The following PAPPA variants were observed in gnomAD, a reference collection of about 807,000 sequenced individuals.
PAPPA encodes pappalysin-1.
Under a neutral mutation model 164.0 loss-of-function variants are expected in PAPPA, and 60 were observed. That is an observed-to-expected ratio of 0.37 (90% CI 0.30 to 0.45). The LOEUF is 0.45. PAPPA is among the 20% of genes least tolerant of loss of function. The pLI is 1.00. For missense variants in PAPPA, 1,782 were observed against 2,087.3 expected (o/e 0.85, Z 2.85); for synonymous variants, 875 against 814.1 (o/e 1.07, Z -1.27).
At chr9:116,371,542 TAATA>T (rs1564245571) in intron 19 of PAPPA, among the ~76,000 whole-genome samples, 1 of 152,210 alleles carries the variant, frequency 6.6e-6, no homozygotes, top group Non-Finnish European at 1.5e-5. Flanking sequence ...CTACCCAACT[TAATA>T]AATAAAAACT....
At chr9:116,335,178 C>A in intron 13 of PAPPA, 104 bp downstream of exon 13, 1 of 920,768 alleles carries the variant, frequency 1.1e-6, no homozygotes, top group Non-Finnish European at 1.7e-6. Context: ...AAAGTCTGTG[C>A]ATTTCTCCCT....
At chr9:116,285,760 G>C (rs1292116982) in intron 9 of PAPPA, 2 of 152,210 alleles carry the variant, frequency 1.3e-5, no homozygotes, top group East Asian at 3.9e-4. Flanking sequence ...TTTCCCAAGA[G>C]TTAGTCCAGG....
chr9:116,223,402 C>A (rs907839698), intron 5 of PAPPA, among the ~76,000 whole-genome samples: 1 of 152,024 alleles, frequency 6.6e-6, no homozygotes, highest in Non-Finnish European at 1.5e-5. Context: ...ATAAATACCA[C>A]CTGATTGTTG....
intron 7 of PAPPA, among the ~76,000 whole-genome samples, chr9:116,247,066 T>G (rs1295125501): frequency 6.6e-6 from 1 of 151,978 alleles, no homozygotes; most frequent in Non-Finnish European, 1.5e-5. Flanking sequence ...TGTTGTTACC[T>G]TGGGGAAGGA....
chr9:116,207,388 A>G, intron 2 of PAPPA, 68 bp from the exon 3 acceptor site: 1 of 1,401,822 alleles, frequency 7.1e-7, no homozygotes, highest in Non-Finnish European at 9.7e-7. Context: ...GTAGCTCTAA[A>G]TTATTTGGAG....
chr9:116,369,840 G>A (rs910966460), intron 19 of PAPPA, among the ~76,000 whole-genome samples: 2 of 145,716 alleles, frequency 1.4e-5, no homozygotes, highest in African/African-American at 2.5e-5. Context: ...CTGGCCTACC[G>A]AGAGAACCAT....
rs554355760 is a variant in PAPPA at position 116,154,344 on chromosome 9, TCGCCGCCGCCGC to T, written c.184_195del (p.Pro62_Pro65del). 4.6e-5 allele frequency: 38 copies of T among 825,762 alleles called. No individual in the cohort carries two copies. Among genetic ancestry groups the T allele is most frequent in the Non-Finnish European group, 5.1e-5 (35 of 690,416 alleles). The allele number at this position is 825,762 out of a possible 1,614,324, so 51.2% of individuals were successfully genotyped here. A position where few individuals can be genotyped will look rare whatever the true frequency, so the allele number is the denominator to read the frequency against. On this transcript the variant is annotated inframe_deletion, in exon 1 of 22. Coordinates refer to ENST00000328252, the MANE Select transcript of PAPPA (RefSeq NM_002581.5). This position sits in a 1 kb window ranked among gnomAD's most constrained non-coding sequence, Gnocchi z 5.2. ...CCGGGCGGCCCGCGGCCGCCGCGCC[TCGCCGCCGCCGC>T]CGCCGCCGCCGGGCGGTGCCTGGGA...
intron 6 of PAPPA, among the ~76,000 whole-genome samples, chr9:116,232,019 G>A (rs1234349038): frequency 2.0e-5 from 3 of 152,062 alleles, no homozygotes; most frequent in African/African-American, 7.2e-5. Flanking sequence ...CTCCCAAAGT[G>A]CTGGGATTAC....
intron 7 of PAPPA, among the ~76,000 whole-genome samples, chr9:116,239,579 A>G (rs1447536224): frequency 6.6e-6 from 1 of 152,230 alleles, no homozygotes; most frequent in Non-Finnish European, 1.5e-5. Context: ...TGTGGACCAC[A>G]ATAATGACAA....
At chr9:116,221,348 T>C (rs928329723) in intron 5 of PAPPA, among the ~76,000 whole-genome samples, 1 of 152,228 alleles carries the variant, frequency 6.6e-6, no homozygotes, top group African/African-American at 2.4e-5. Context: ...GGATGCTTCA[T>C]CTAGTAATGG....
chr9:116,355,017 G>C (rs997379065), intron 17 of PAPPA, among the ~76,000 whole-genome samples: 6 of 151,920 alleles, frequency 3.9e-5, no homozygotes, highest in African/African-American at 1.2e-4. Flanking sequence ...TCGCAATTTA[G>C]CCCAGGCACC....
intron 2 of PAPPA, among the ~76,000 whole-genome samples, chr9:116,206,862 C>A (rs1031381691): frequency 2.6e-5 from 4 of 152,094 alleles, no homozygotes; most frequent in Non-Finnish European, 5.9e-5. Flanking sequence ...GAGGAAACAG[C>A]ATGAATAAAA....
At chr9:116,340,593 C>A (rs1846123940) in intron 13 of PAPPA, among the ~76,000 whole-genome samples, 1 of 152,264 alleles carries the variant, frequency 6.6e-6, no homozygotes, top group Non-Finnish European at 1.5e-5. Context: ...TCCCTTATCC[C>A]TTTTCTTCCT....
intron 4 of PAPPA, among the ~76,000 whole-genome samples, chr9:116,215,695 A>G (rs749648176): frequency 3.9e-5 from 6 of 152,190 alleles, no homozygotes; most frequent in African/African-American, 7.2e-5. Context: ...CTCCCTTGAT[A>G]CAAGTTTACC....
intron 7 of PAPPA, among the ~76,000 whole-genome samples, chr9:116,258,369 C>G (rs988103873): frequency 6.6e-6 from 1 of 152,030 alleles, no homozygotes; most frequent in African/African-American, 2.4e-5. Flanking sequence ...AAAAATAGAC[C>G]AATGAGGCTG....
At chr9:116,262,919 A>G (rs1389041761) in intron 7 of PAPPA, among the ~76,000 whole-genome samples, 1 of 152,226 alleles carries the variant, frequency 6.6e-6, no homozygotes, top group Non-Finnish European at 1.5e-5. Flanking sequence ...TTCTTGAGAA[A>G]AGAGCCCTCA....
chr9:116,365,551 GT>G lies in PAPPA; in HGVS notation c.4496-2079del, dbSNP rs56204027. ...GCAAGTGTCTCCTGTTTTGACAACC[GT>G]TTTTTTTTTTTTTTCCTCTCTTGGG... On this transcript the variant is annotated intron_variant, in intron 18 of 21. Coordinates refer to ENST00000328252, the MANE Select transcript of PAPPA (RefSeq NM_002581.5). Among the ~76,000 whole-genome samples, 664 of 101,484 alleles carry G rather than the reference GT, an allele frequency of 6.5e-3. 10 individuals carry two copies. Among genetic ancestry groups the G allele is most frequent in the African/African-American group, 0.019 (616 of 31,882 alleles). The allele number at this position is 101,484 out of a possible 152,430, so 66.6% of individuals were successfully genotyped here.
chr9:116,313,261 G>C (rs1389103476), intron 10 of PAPPA, among the ~76,000 whole-genome samples: 1 of 152,078 alleles, frequency 6.6e-6, no homozygotes, highest in Non-Finnish European at 1.5e-5. Context: ...CCTGTGCCAG[G>C]GCAGTCCAAA....
intron 21 of PAPPA, among the ~76,000 whole-genome samples, chr9:116,383,609 A>G (rs1846762654): frequency 6.6e-6 from 1 of 152,212 alleles, no homozygotes; most frequent in Non-Finnish European, 1.5e-5. Flanking sequence ...TGGTTTCTTC[A>G]AGAAAGAATC....
Sources: allele counts gnomAD v4.1 joint callset (sites outside exome capture counted in the v4.1 genomes callset), GRCh38; gene constraint gnomAD v4.1.1; non-coding constraint Gnocchi (gnomAD v3.1); transcripts MANE v1.5; gene names NCBI Gene and HGNC (gene_info 2026-07-23, HGNC 2026-07-21).